S100Z: variants seen among roughly 807,000 people sequenced by gnomAD.
S100Z encodes the protein S100 calcium binding protein Z.
A neutral mutation model predicts 8.5 loss-of-function variants in S100Z; 11 were observed. The observed-to-expected ratio is 1.30, with a 90% CI of 0.82 to 2.15. S100Z has a LOEUF of 2.15. Ranked by LOEUF, S100Z falls within the 30% of genes most tolerant of loss-of-function variation. The probability of loss-of-function intolerance (pLI) is 0.00; values close to 1 mark genes in which losing one functional copy is unlikely to be tolerated. For synonymous variants in S100Z, 34 were observed against 43.8 expected (o/e 0.78, Z 0.89); for missense variants, 126 against 117.9 (o/e 1.07, Z -0.32).
intron 4 of S100Z, among the ~76,000 whole-genome samples, chr5:76,894,276 G>A (rs958450024): frequency 8.5e-5 from 13 of 152,180 alleles, no homozygotes; most frequent in East Asian, 5.8e-4. Context: ...TAAAATTTAC[G>A]GCTTTTCTGG....
intron 4 of S100Z, among the ~76,000 whole-genome samples, chr5:76,917,518 G>A (rs1350502392): frequency 6.6e-6 from 1 of 152,118 alleles, no homozygotes; most frequent in Non-Finnish European, 1.5e-5. Flanking sequence ...TTTTCCAGAG[G>A]GAAAGCTTGG....
chr5:76,919,852 C>T (rs1213244381), intron 4 of S100Z, among the ~76,000 whole-genome samples: 3 of 151,884 alleles, frequency 2.0e-5, no homozygotes, highest in Non-Finnish European at 1.5e-5. Context: ...GATCCTTCTG[C>T]CTCAGCTTCC....
chr5:76,892,672 CAGG>C (rs946543735), intron 4 of S100Z, among the ~76,000 whole-genome samples: 6 of 151,710 alleles, frequency 4.0e-5, no homozygotes, highest in Admixed American at 3.3e-4. Flanking sequence ...AAGGCAGGGG[CAGG>C]AGAATAAATA....
intron 4 of S100Z, among the ~76,000 whole-genome samples, chr5:76,917,284 A>G (rs1744884400): frequency 6.6e-6 from 1 of 152,218 alleles, no homozygotes; most frequent in Admixed American, 6.5e-5. Context: ...ATCATTTAAT[A>G]GAGCTTCAAA....
At chr5:76,867,400 A>C (rs1580001438) in intron 1 of S100Z, among the ~76,000 whole-genome samples, 1 of 152,262 alleles carries the variant, frequency 6.6e-6, no homozygotes, top group Non-Finnish European at 1.5e-5. Flanking sequence ...CCTGGCTCAG[A>C]CACTCTGGGG....
At chr5:76,916,696 A>C (rs1023547090) in intron 4 of S100Z, among the ~76,000 whole-genome samples, 3 of 152,204 alleles carry the variant, frequency 2.0e-5, no homozygotes, top group Non-Finnish European at 4.4e-5. Context: ...CTTGGGTCAA[A>C]AAGAGGGTCT....
At chr5:76,907,714 T>C (rs1744506956) in intron 4 of S100Z, among the ~76,000 whole-genome samples, 1 of 152,232 alleles carries the variant, frequency 6.6e-6, no homozygotes, top group Non-Finnish European at 1.5e-5. Flanking sequence ...TGATTGCTGC[T>C]TATAGTGGTT....
chr5:76,856,084 T>C (rs1750874702), intron 1 of S100Z, among the ~76,000 whole-genome samples: 1 of 152,204 alleles, frequency 6.6e-6, no homozygotes, highest in South Asian at 2.1e-4. Context: ...AAGATGTGTC[T>C]GTTTCCCCTT....
At chr5:76,916,768 T>A (rs1186174235) in intron 4 of S100Z, among the ~76,000 whole-genome samples, 1 of 152,186 alleles carries the variant, frequency 6.6e-6, no homozygotes, top group Non-Finnish European at 1.5e-5. Context: ...TCAAAATTTG[T>A]AAGATACTGC....
chr5:76,936,017 T>C, the S100Z span, among the ~76,000 whole-genome samples: 1 of 152,158 alleles, frequency 6.6e-6, no homozygotes, highest in African/African-American at 2.4e-5. Flanking sequence ...TCTCAGGTGA[T>C]CTGCCCACCT....
At chr5:76,949,756 G>C in the S100Z span, among the ~76,000 whole-genome samples, 13 of 152,204 alleles carry the variant, frequency 8.5e-5, no homozygotes, top group Non-Finnish European at 5.9e-5. Context: ...ATCTAAAATA[G>C]TGAGACTCGT....
chr5:76,941,506 C>T, the S100Z span, among the ~76,000 whole-genome samples: 2 of 152,144 alleles, frequency 1.3e-5, no homozygotes, highest in African/African-American at 4.8e-5. Context: ...GTGAGGCCTC[C>T]CCAGCCATGT....
chr5:76,903,097 G>T (rs1744292666), intron 4 of S100Z, among the ~76,000 whole-genome samples: 1 of 152,190 alleles, frequency 6.6e-6, no homozygotes, highest in African/African-American at 2.4e-5. Context: ...GAGGCAGGGA[G>T]AATTGCTTGA....
the S100Z span, among the ~76,000 whole-genome samples, chr5:76,939,474 T>C: frequency 4.7e-5 from 7 of 150,222 alleles, no homozygotes; most frequent in Admixed American, 6.7e-5. Flanking sequence ...TTTTTATATA[T>C]CATATAAAGG....
intron 4 of S100Z, among the ~76,000 whole-genome samples, chr5:76,899,270 T>C (rs1010713913): frequency 6.6e-6 from 1 of 152,180 alleles, no homozygotes; most frequent in African/African-American, 2.4e-5. Flanking sequence ...AGACAATAGA[T>C]CAATGGGTCT....
the S100Z span, among the ~76,000 whole-genome samples, chr5:76,927,376 G>A: frequency 1.3e-5 from 2 of 152,286 alleles, no homozygotes; most frequent in South Asian, 4.1e-4. Context: ...AAGATGCCAA[G>A]TTGTGCTCTC....
chr5:76,909,970 C>T (rs1580059668), intron 4 of S100Z, among the ~76,000 whole-genome samples: 1 of 152,190 alleles, frequency 6.6e-6, no homozygotes, highest in Admixed American at 6.5e-5. Context: ...GATAGAATGA[C>T]AGCCAAAGAA....
chr5:76,868,713 T>G (rs1479902717), intron 1 of S100Z, among the ~76,000 whole-genome samples: 1 of 150,316 alleles, frequency 6.7e-6, no homozygotes, highest in African/African-American at 2.5e-5. Context: ...AACCTCTGTC[T>G]CCTGGGTTCA....
chr5:76,947,336 G>C, the S100Z span, among the ~76,000 whole-genome samples: 8 of 152,144 alleles, frequency 5.3e-5, no homozygotes, highest in Admixed American at 2.0e-4. Flanking sequence ...CATCATTTGG[G>C]TTGAAAATAG....
Sources: gnomAD v4.1 joint callset for allele counts (sites outside exome capture counted in the v4.1 genomes callset) on GRCh38, gnomAD v4.1.1 for gene constraint, MANE v1.5 for transcripts, NCBI Gene and HGNC (gene_info 2026-07-23, HGNC 2026-07-21) for gene names.